Variants in XRCC5 observed in about 807,000 individuals in gnomAD.
XRCC5 encodes the protein X-ray repair cross complementing 5.
A neutral mutation model predicts 95.7 loss-of-function variants in XRCC5; 12 were observed. The ratio of observed to expected loss-of-function variants is 0.13; its 90% CI spans 0.08 to 0.20. The LOEUF is 0.20. Among genes scored for constraint, XRCC5 ranks in the 10% least tolerant of loss-of-function variants. XRCC5 has a pLI of 1.00. For missense variants in XRCC5, 595 were observed against 873.9 expected, an observed-to-expected ratio of 0.68 and a Z score of 4.02; for synonymous variants, 281 against 290.3, an observed-to-expected ratio of 0.97 and a Z score of 0.33.
intron 16 of XRCC5, among the ~76,000 whole-genome samples, chr2:216,182,200 C>G (rs1363183763): frequency 6.6e-6 from 1 of 152,184 alleles, no homozygotes; most frequent in Non-Finnish European, 1.5e-5. Flanking sequence ...ATCATTCACT[C>G]TGTCTTTTCA....
At chr2:216,203,076 GCT>G (rs1446010870) in intron 19 of XRCC5, among the ~76,000 whole-genome samples, 1 of 152,166 alleles carries the variant, frequency 6.6e-6, no homozygotes, top group Non-Finnish European at 1.5e-5. Flanking sequence ...GAGAATGGCA[GCT>G]CTTACCATTT....
intron 4 of XRCC5, among the ~76,000 whole-genome samples, chr2:216,118,578 A>AT: frequency 6.6e-6 from 1 of 152,172 alleles, no homozygotes. Flanking sequence ...CAGGAAAATC[A>AT]TTTGCACTAA....
intron 16 of XRCC5, among the ~76,000 whole-genome samples, chr2:216,169,271 G>A (rs73058487): frequency 0.031 from 4,781 of 152,324 alleles, 255 homozygotes; most frequent in African/African-American, 0.11. Flanking sequence ...TAATACCCAT[G>A]TTCACCTTGC....
chr2:216,152,332 C>T (rs191140413), intron 14 of XRCC5, among the ~76,000 whole-genome samples: 236 of 152,056 alleles, frequency 1.6e-3, no homozygotes, highest in African/African-American at 2.1e-3. Flanking sequence ...TCCAGCCACT[C>T]GGGAGGCTGA....
intron 10 of XRCC5, among the ~76,000 whole-genome samples, chr2:216,134,817 C>T (rs542164846): frequency 6.6e-6 from 1 of 152,282 alleles, no homozygotes; most frequent in Non-Finnish European, 1.5e-5. Flanking sequence ...GTAATCTCTT[C>T]CTCAGATTCT....
chr2:216,199,189 G>A (rs1223914309), intron 19 of XRCC5, among the ~76,000 whole-genome samples: 1 of 152,130 alleles, frequency 6.6e-6, no homozygotes. Context: ...CTTTTGAGGT[G>A]TTTCCCATAA....
At chr2:216,174,751 G>T in intron 16 of XRCC5, 1 of 184,520 alleles carries the variant, frequency 5.4e-6, no homozygotes, top group Non-Finnish European at 1.1e-5. Context: ...TAACTTTTCT[G>T]ACCATGGATC....
intron 14 of XRCC5, 113 bp downstream of exon 14, chr2:216,148,389 A>T: frequency 1.0e-6 from 1 of 972,320 alleles, no homozygotes; most frequent in South Asian, 1.9e-5. Flanking sequence ...AGGTGAGAGG[A>T]AGAAGCCTTT....
intron 4 of XRCC5, among the ~76,000 whole-genome samples, 160 bp downstream of exon 4, chr2:216,117,954 G>C (rs1696732321): frequency 6.6e-6 from 1 of 152,086 alleles, no homozygotes; most frequent in Non-Finnish European, 1.5e-5. Flanking sequence ...CAACCTCTCT[G>C]TTTTTTAAAA....
chr2:216,168,299 A>G (rs538864223), intron 16 of XRCC5, among the ~76,000 whole-genome samples: 1 of 152,198 alleles, frequency 6.6e-6, no homozygotes, highest in East Asian at 1.9e-4. Context: ...TGTGGCTTAA[A>G]CCTTTTTACT....
In XRCC5 at chr2:216,122,265, A is replaced by C. The variant is rs1183935252; in HGVS notation, c.683+12A>C. On this transcript the variant is annotated intron_variant, in intron 6 of 20. Coordinates refer to ENST00000392132, the MANE Select transcript of XRCC5 (RefSeq NM_021141.4). ...ATTTATTCATTCAGGTAAGAATTGA[A>C]AACATTGATGGGAATTTTTAATTGT... The C allele has an allele frequency of 1.9e-6, 3 of 1,590,866 alleles. No homozygotes were observed. The highest frequency in any genetic ancestry group is 1.1e-5 in the South Asian group (1 of 89,986).
rs189856372 is a variant in XRCC5, at chr2:216,185,016, A to T, written c.1835-5209A>T. Among the ~76,000 whole-genome samples, 479 of 152,164 alleles carry T rather than the reference A, an allele frequency of 3.1e-3. 5 individuals carry two copies. The highest frequency in any genetic ancestry group is 5.1e-3 in the Non-Finnish European group (344 of 68,004). ...TGAGAGATACTGGTGGGAAGTAGGG[A>T]GGGAGAAACCGGTGTATCTCTTCTT... On this transcript the variant is annotated intron_variant, in intron 16 of 20. Transcript: ENST00000392132.
chr2:216,131,183 A>G (rs548859824), intron 9 of XRCC5, 196 bp downstream of exon 9: 9 of 985,388 alleles, frequency 9.1e-6, no homozygotes, highest in East Asian at 1.1e-4. Context: ...AAGTAAATCT[A>G]TATGAGCATA....
chr2:216,186,545 G>A (rs900212203), intron 16 of XRCC5, among the ~76,000 whole-genome samples: 2 of 152,168 alleles, frequency 1.3e-5, no homozygotes, highest in Admixed American at 1.3e-4. Flanking sequence ...TAAAGGTTTT[G>A]CATTTTCTAA....
chr2:216,175,676 T>G (rs1231318043), intron 16 of XRCC5: 1 of 418,858 alleles, frequency 2.4e-6, no homozygotes, highest in Non-Finnish European at 4.6e-6. Flanking sequence ...CACCAGGCTT[T>G]ACAGAATCCT....
rs118106891 is a variant in XRCC5 at position 216,184,248 on chromosome 2, A to G, written c.1835-5977A>G. Among the ~76,000 whole-genome samples the G allele has an allele frequency of 1.5e-3, 227 of 152,314 alleles. 6 individuals are homozygous for G. The East Asian group carries it at 0.031, about 21-fold the overall frequency. The stretch of plus-strand genomic sequence containing the variant: ...TCACAACCGTGTTAGAACTGAAGGA[A>G]AGGAAATGTATGTAACTCTAAAGAC... On this transcript the variant is annotated intron_variant, in intron 16 of 20. Coordinates refer to ENST00000392132, the MANE Select transcript of XRCC5 (RefSeq NM_021141.4).
intron 10 of XRCC5, among the ~76,000 whole-genome samples, chr2:216,133,870 C>T (rs985612619): frequency 1.3e-5 from 2 of 152,088 alleles, no homozygotes; most frequent in Admixed American, 6.6e-5. Flanking sequence ...AAAAGAATGC[C>T]TGGAGAAGAC....
chr2:216,147,744 A>G (rs1688666332), intron 13 of XRCC5, among the ~76,000 whole-genome samples: 1 of 152,206 alleles, frequency 6.6e-6, no homozygotes, highest in Admixed American at 6.5e-5. Flanking sequence ...TTATAATCCC[A>G]GATTATCAGG....
chr2:216,121,833 G>A (rs1284431157), intron 5 of XRCC5, among the ~76,000 whole-genome samples: 3 of 152,158 alleles, frequency 2.0e-5, no homozygotes, highest in African/African-American at 2.4e-5. Context: ...GTGCCACCCT[G>A]CCCTTTCAGT....
Sources: allele counts gnomAD v4.1 joint callset (sites outside exome capture counted in the v4.1 genomes callset), GRCh38; gene constraint gnomAD v4.1.1; transcripts MANE v1.5; gene names NCBI Gene and HGNC (gene_info 2026-07-23, HGNC 2026-07-21).